RAP1GDS1: variants seen among roughly 807,000 people sequenced by gnomAD.
RAP1GDS1 encodes the protein RAP1, GTP-GDP dissociation stimulator 1.
Under a neutral mutation model 71.1 loss-of-function variants are expected in RAP1GDS1, and 35 were observed. The observed-to-expected ratio is 0.49, with a 90% confidence interval of 0.38 to 0.65. The LOEUF (loss-of-function observed/expected upper bound fraction) is 0.65. Ranked by LOEUF, RAP1GDS1 falls within the 30% of genes least tolerant of loss-of-function variation. The probability of loss-of-function intolerance (pLI) is 0.00; values close to 1 mark genes in which losing one functional copy is unlikely to be tolerated. For synonymous variants in RAP1GDS1, 229 were observed against 243.1 expected (o/e 0.94, Z 0.54); for missense variants, 663 against 706.1 (o/e 0.94, Z 0.69).
chr4:98,406,722 A>G (rs569383560), intron 7 of RAP1GDS1, among the ~76,000 whole-genome samples: 9 of 152,216 alleles, frequency 5.9e-5, no homozygotes, highest in African/African-American at 2.2e-4. Flanking sequence ...CATATGAAAC[A>G]TTTAAGAACA....
intron 4 of RAP1GDS1, among the ~76,000 whole-genome samples, chr4:98,373,161 A>G (rs558996921): frequency 1.3e-5 from 2 of 152,216 alleles, no homozygotes; most frequent in Non-Finnish European, 2.9e-5. Flanking sequence ...GTTTATTGCA[A>G]TGAATTATCT....
At chr4:98,351,510 A>G (rs946521480) in intron 3 of RAP1GDS1, among the ~76,000 whole-genome samples, 3 of 152,104 alleles carry the variant, frequency 2.0e-5, no homozygotes, top group South Asian at 4.1e-4. Context: ...ATAGAGTGAA[A>G]AGATAGTGAT....
At chr4:98,400,433 G>T (rs933844005) in intron 6 of RAP1GDS1, among the ~76,000 whole-genome samples, 2 of 151,352 alleles carry the variant, frequency 1.3e-5, no homozygotes, top group African/African-American at 4.9e-5. Context: ...GGATGGAACT[G>T]GAAGACATTA....
chr4:98,347,956 T>A (rs906814400), intron 3 of RAP1GDS1, among the ~76,000 whole-genome samples: 1 of 152,190 alleles, frequency 6.6e-6, no homozygotes, highest in Admixed American at 6.5e-5. Flanking sequence ...TATAACATTT[T>A]AAACATATTC....
At position 98,420,172 on chromosome 4, in the gene RAP1GDS1, A is replaced by G. The variant is rs772980500; in HGVS notation, c.1300+28A>G. 5.4e-6 allele frequency: 8 copies of G among 1,486,402 alleles called. No individual in the cohort carries two copies. In the East Asian group the frequency reaches 1.2e-4, roughly 23 times the overall value. 92.1% of individuals were successfully genotyped at this position (1,486,402 alleles called of 1,614,324 possible). A position where few individuals can be genotyped will look rare whatever the true frequency, so the allele number is the denominator to read the frequency against. ...AAAAGAAATGTTTTCCCCAACTTGCATTTTTCATATGATAGTCTTAATGTG... is the reference window on the plus strand; with the variant it reads ...AAAAGAAATGTTTTCCCCAACTTGCGTTTTTCATATGATAGTCTTAATGTG... On this transcript the variant is annotated intron_variant, in intron 11 of 14. Coordinates refer to ENST00000408927, the MANE Select transcript of RAP1GDS1 (RefSeq NM_001100427.2).
intron 2 of RAP1GDS1, among the ~76,000 whole-genome samples, chr4:98,327,977 C>T (rs1733391101): frequency 6.6e-6 from 1 of 152,060 alleles, no homozygotes; most frequent in African/African-American, 2.4e-5. Flanking sequence ...AAGGAAAATA[C>T]AAAGTAAAAT....
At chr4:98,397,502 GA>G (rs1744714958) in intron 6 of RAP1GDS1, among the ~76,000 whole-genome samples, 1 of 151,998 alleles carries the variant, frequency 6.6e-6, no homozygotes, top group African/African-American at 2.4e-5. Context: ...AAACAAATAA[GA>G]ACAACCTCAA....
chr4:98,311,637 CATGT>C (rs1320366674), intron 2 of RAP1GDS1, among the ~76,000 whole-genome samples: 1 of 152,026 alleles, frequency 6.6e-6, no homozygotes, highest in Non-Finnish European at 1.5e-5. Context: ...TGTGTGTGCA[CATGT>C]ATGTGTGTGT....
chr4:98,334,546 AC>A (rs1403676522), intron 2 of RAP1GDS1, among the ~76,000 whole-genome samples: 1 of 152,138 alleles, frequency 6.6e-6, no homozygotes, highest in East Asian at 1.9e-4. Flanking sequence ...TTTGTTTTTC[AC>A]CCCCGCATGG....
At chr4:98,320,227 CTTTA>C (rs1486259792) in intron 2 of RAP1GDS1, among the ~76,000 whole-genome samples, 5 of 152,102 alleles carry the variant, frequency 3.3e-5, no homozygotes, top group African/African-American at 4.8e-5. Flanking sequence ...TTTCGACTTA[CTTTA>C]TTTATTCTTT....
At chr4:98,363,111 C>G (rs1738985905) in intron 4 of RAP1GDS1, among the ~76,000 whole-genome samples, 1 of 152,028 alleles carries the variant, frequency 6.6e-6, no homozygotes, top group South Asian at 2.1e-4. Context: ...GAAGAAAGTT[C>G]TCTCTGTGGA....
chr4:98,366,214 T>G (rs1218497328), intron 4 of RAP1GDS1, among the ~76,000 whole-genome samples: 1 of 152,102 alleles, frequency 6.6e-6, no homozygotes, highest in Non-Finnish European at 1.5e-5. Flanking sequence ...CCCATGCTAT[T>G]TTCGTGATAG....
intron 12 of RAP1GDS1, among the ~76,000 whole-genome samples, chr4:98,421,864 T>C (rs928735435): frequency 2.6e-5 from 4 of 152,198 alleles, no homozygotes; most frequent in African/African-American, 9.6e-5. Flanking sequence ...GTTCAGCAGC[T>C]GATTTAGTAT....
At chr4:98,313,068 CAAAAAAAAAAAA>C (rs556945198) in intron 2 of RAP1GDS1, among the ~76,000 whole-genome samples, 13 of 38,184 alleles carry the variant, frequency 3.4e-4, no homozygotes, top group East Asian at 1.9e-3. Context: ...GACTCTGTCT[CAAAAAAAAAAAA>C]AAAAAAAAAA....
intron 4 of RAP1GDS1, 83 bp downstream of exon 4, chr4:98,352,684 CTT>C: frequency 6.9e-7 from 1 of 1,453,928 alleles, no homozygotes; most frequent in Non-Finnish European, 9.4e-7. Context: ...TTAGCAGTGA[CTT>C]TTCTAGGCTA....
chr4:98,410,320 A>G (rs1355020163), intron 7 of RAP1GDS1, among the ~76,000 whole-genome samples: 1 of 152,212 alleles, frequency 6.6e-6, no homozygotes, highest in Non-Finnish European at 1.5e-5. Context: ...CAGACTTAAT[A>G]TAGATATGAA....
At chr4:98,308,288 ACACACACAC>A (rs1729660179) in intron 2 of RAP1GDS1, among the ~76,000 whole-genome samples, 1 of 102,378 alleles carries the variant, frequency 9.8e-6, no homozygotes, top group Admixed American at 1.2e-4. Context: ...ATATATATAC[ACACACACAC>A]TATATATATA....
intron 7 of RAP1GDS1, among the ~76,000 whole-genome samples, chr4:98,413,954 T>A (rs1227950104): frequency 1.3e-5 from 2 of 152,228 alleles, no homozygotes; most frequent in Non-Finnish European, 2.9e-5. Context: ...TTGATTTGCA[T>A]TTCTCTGATG....
At chr4:98,334,937 G>T (rs940434009) in intron 2 of RAP1GDS1, among the ~76,000 whole-genome samples, 26 of 145,848 alleles carry the variant, frequency 1.8e-4, no homozygotes, top group Non-Finnish European at 3.7e-4. Flanking sequence ...AAAAAAAAGA[G>T]ATGGGGAAGG....
Sources: allele counts gnomAD v4.1 joint callset (sites outside exome capture counted in the v4.1 genomes callset), GRCh38; gene constraint gnomAD v4.1.1; transcripts MANE v1.5; gene names NCBI Gene and HGNC (gene_info 2026-07-23, HGNC 2026-07-21).